The following MTURN variants were observed in gnomAD, a reference collection of about 807,000 sequenced individuals.
MTURN encodes maturin.
Under a neutral mutation model 14.9 loss-of-function variants are expected in MTURN, and 7 were observed. The observed-to-expected ratio is 0.47, with a 90% CI of 0.27 to 0.88. MTURN has a LOEUF of 0.88. Ranked by LOEUF, MTURN falls within the 40% of genes least tolerant of loss-of-function variation. MTURN has a pLI of 0.14. For missense variants in MTURN, 151 were observed against 174.1 expected (o/e 0.87, Z 0.75); for synonymous variants, 69 against 72.5 (o/e 0.95, Z 0.25).
Position 30,135,040 on chromosome 7 carries a change from C to G in MTURN, c.-97C>G. On this transcript the variant is annotated 5_prime_UTR_variant, in exon 1 of 3. Coordinates refer to ENST00000324453, the MANE Select transcript of MTURN (RefSeq NM_152793.3). Reference sequence around the variant, plus strand: ...CGGCCCAGCCCGGCCCCGGAGGAGCCCGCGCAGGCCGAGCCGAGCGCCGCG... The same window carrying G: ...CGGCCCAGCCCGGCCCCGGAGGAGCGCGCGCAGGCCGAGCCGAGCGCCGCG... 1.2e-5 allele frequency: 13 copies of G among 1,067,432 alleles called. No homozygotes were observed. Among genetic ancestry groups the G allele is most frequent in the Non-Finnish European group, 1.4e-5 (12 of 869,192 alleles). 66.1% of individuals were successfully genotyped at this position (1,067,432 alleles called of 1,614,324 possible).
At chr7:30,156,251 T>C (rs1038378233) in intron 2 of MTURN, among the ~76,000 whole-genome samples, 1 of 152,122 alleles carries the variant, frequency 6.6e-6, no homozygotes, top group African/African-American at 2.4e-5. Flanking sequence ...TATACAGCAA[T>C]TGGAAAATAC....
In MTURN at chr7:30,135,128, G is replaced by A. The variant is rs554565589; in HGVS notation, c.-9G>A. The stretch of plus-strand genomic sequence containing the variant: ...GCGGGCGGCGGCGGGAGGCGGGCGC[G>A]GGGCCGCGATGGATTTCCAGCAGCT... On this transcript the variant is annotated 5_prime_UTR_variant, in exon 1 of 3. Transcript: ENST00000324453. 92 of 1,434,798 alleles carry A rather than the reference G, an allele frequency of 6.4e-5. 1 individual carries two copies. The African/African-American group carries it at 1.1e-3, about 17-fold the overall frequency. The allele number at this position is 1,434,798 out of a possible 1,614,324, so 88.9% of individuals were successfully genotyped here. A position where few individuals can be genotyped will look rare whatever the true frequency, so the allele number is the denominator to read the frequency against.
chr7:30,138,542 C>T (rs1174062047), intron 1 of MTURN, among the ~76,000 whole-genome samples: 3 of 152,038 alleles, frequency 2.0e-5, no homozygotes, highest in Admixed American at 6.5e-5. Flanking sequence ...CATTTTTCAT[C>T]GTGTCTCCTA....
chr7:30,156,774 G>A (rs1211881718), intron 2 of MTURN, among the ~76,000 whole-genome samples: 6 of 151,622 alleles, frequency 4.0e-5, no homozygotes, highest in Admixed American at 1.3e-4. Context: ...GCAGTTAGCC[G>A]AGATTGCGCC....
Position 30,135,264 on chromosome 7 carries a change from T to C in MTURN, c.128T>C (p.Val43Ala). 6.5e-7 allele frequency: 1 copy of C among 1,527,228 alleles called. No homozygotes were observed. The highest frequency in any genetic ancestry group is 8.8e-7 in the Non-Finnish European group (1 of 1,136,322). The allele number at this position is 1,527,228 out of a possible 1,614,324, so 94.6% of individuals were successfully genotyped here. A position where few individuals can be genotyped will look rare whatever the true frequency, so the allele number is the denominator to read the frequency against. The change falls in exon 1 of 3, where the codon GTG (valine) becomes GCG (alanine). Residue 43 changes from valine to alanine, a missense_variant. Val to Ala is a moderately conservative substitution (Grantham distance 64, BLOSUM62 0). Transcript: ENST00000324453. ...FYADPGVSFY[V>A]LCPDNGCGDN... The stretch of plus-strand genomic sequence containing the variant: ...GCCGACCCCGGCGTCTCCTTCTATG[T>C]GCTGTGTCCGGACAACGGCTGCGGC...
intron 2 of MTURN, among the ~76,000 whole-genome samples, chr7:30,156,810 C>T (rs1797295055): frequency 1.3e-5 from 2 of 150,382 alleles, no homozygotes; most frequent in Non-Finnish European, 3.0e-5. Context: ...GGCAACAGAG[C>T]GAGACTCCCT....
chr7:30,152,023 A>G (rs1003644613), intron 2 of MTURN, among the ~76,000 whole-genome samples: 4 of 152,246 alleles, frequency 2.6e-5, no homozygotes, highest in African/African-American at 9.6e-5. Flanking sequence ...GAGCCTGGAA[A>G]AGAGAAAGAA....
chr7:30,147,032 T>G (rs890857434), intron 2 of MTURN, among the ~76,000 whole-genome samples: 2 of 152,272 alleles, frequency 1.3e-5, no homozygotes, highest in Non-Finnish European at 2.9e-5. Context: ...CAGTGGTATT[T>G]GCTAGAATTT....
At chr7:30,147,270 G>A (rs1797143187) in intron 2 of MTURN, among the ~76,000 whole-genome samples, 1 of 152,172 alleles carries the variant, frequency 6.6e-6, no homozygotes, top group Admixed American at 6.6e-5. Context: ...TATTGTATTT[G>A]AAAGTTTACA....
chr7:30,145,952 C>T, intron 1 of MTURN: 2 of 1,551,720 alleles, frequency 1.3e-6, no homozygotes, highest in Non-Finnish European at 8.7e-7. Flanking sequence ...ATGAACAGAG[C>T]AGGTGAGGTA....
chr7:30,136,928 A>G, intron 1 of MTURN, among the ~76,000 whole-genome samples: 1 of 152,312 alleles, frequency 6.6e-6, no homozygotes, highest in South Asian at 2.1e-4. Context: ...AGCTTGTCTC[A>G]TTTTTTAAAG....
chr7:30,148,644 C>T (rs1226145785), intron 2 of MTURN, among the ~76,000 whole-genome samples: 1 of 152,028 alleles, frequency 6.6e-6, no homozygotes, highest in Non-Finnish European at 1.5e-5. Context: ...GAGAGTAGAC[C>T]CAGCTGGACT....
At chr7:30,155,385 C>T (rs1449244390) in intron 2 of MTURN, among the ~76,000 whole-genome samples, 2 of 152,212 alleles carry the variant, frequency 1.3e-5, no homozygotes, top group Non-Finnish European at 2.9e-5. Context: ...GCTATGTCAT[C>T]GAGCAGCTCT....
chr7:30,162,418 A>G lies in MTURN; in HGVS notation c.*4870A>G, dbSNP rs962807416. ...TCCGTGATCCAGTCTTAATTTGAGC[A>G]TGAGAGCAAAATTTAGTCATCTACA... On this transcript the variant is annotated 3_prime_UTR_variant, in exon 3 of 3. Transcript: ENST00000324453. 4 of 152,296 alleles carry G rather than the reference A, an allele frequency of 2.6e-5. No individual in the cohort carries two copies. Among genetic ancestry groups the G allele is most frequent in the Non-Finnish European group, 4.4e-5 (3 of 68,008 alleles). The allele number at this position is 152,296 out of a possible 1,614,324, so 9.4% of individuals were successfully genotyped here. A position where few individuals can be genotyped will look rare whatever the true frequency, so the allele number is the denominator to read the frequency against.
chr7:30,153,718 T>C (rs1420310911), intron 2 of MTURN, among the ~76,000 whole-genome samples: 1 of 152,160 alleles, frequency 6.6e-6, no homozygotes, highest in African/African-American at 2.4e-5. Flanking sequence ...CTTTTTATTT[T>C]ATTTTATTTT....
At chr7:30,145,880 G>C (rs1797121514) in intron 1 of MTURN, 1 of 1,551,616 alleles carries the variant, frequency 6.4e-7, no homozygotes, top group Middle Eastern at 1.7e-4. Flanking sequence ...GTGAACAGTG[G>C]AAATCATTGG....
chr7:30,138,104 A>C (rs547690366), intron 1 of MTURN, among the ~76,000 whole-genome samples: 4 of 152,064 alleles, frequency 2.6e-5, no homozygotes, highest in Admixed American at 2.6e-4. Flanking sequence ...TAACCCCTCT[A>C]TGCCATACTT....
At chr7:30,135,985 T>C (rs1046656408) in intron 1 of MTURN, among the ~76,000 whole-genome samples, 2 of 148,910 alleles carry the variant, frequency 1.3e-5, no homozygotes, top group African/African-American at 5.0e-5. Flanking sequence ...CACACACACA[T>C]GCTCACACCC....
rs1213645808 is a variant in MTURN, at chr7:30,161,647, C to G, written c.*4099C>G. On this transcript the variant is annotated 3_prime_UTR_variant, in exon 3 of 3. Coordinates refer to ENST00000324453, the MANE Select transcript of MTURN (RefSeq NM_152793.3). ...CCAGAGGGCAGGGCCAACCTCCTCACTGTGCTTCAAGGTTGTAGAAAGAGC... is the reference window on the plus strand; with the variant it reads ...CCAGAGGGCAGGGCCAACCTCCTCAGTGTGCTTCAAGGTTGTAGAAAGAGC... 6.6e-6 allele frequency: 1 copy of G among 152,280 alleles called. No homozygotes were observed. The highest frequency in any genetic ancestry group is 2.4e-5 in the African/African-American group (1 of 41,466). The allele number at this position is 152,280 out of a possible 1,614,324, so 9.4% of individuals were successfully genotyped here.
Sources: allele counts gnomAD v4.1 joint callset (sites outside exome capture counted in the v4.1 genomes callset), GRCh38; gene constraint gnomAD v4.1.1; transcripts MANE v1.5; gene names NCBI Gene and HGNC (gene_info 2026-07-23, HGNC 2026-07-21).